PAQR9: variants seen among roughly 807,000 people sequenced by gnomAD.
The protein encoded by PAQR9 is membrane progestin receptor epsilon.
PAQR9 carries 12 observed loss-of-function variants against 24.0 expected under a neutral mutation model. That is an observed-to-expected ratio of 0.50 (90% CI 0.32 to 0.81). The LOEUF (loss-of-function observed/expected upper bound fraction) is 0.81. Ranked by LOEUF, PAQR9 falls within the 30% of genes least tolerant of loss-of-function variation. The probability of loss-of-function intolerance (pLI) is 0.03; values close to 1 mark genes in which losing one functional copy is unlikely to be tolerated. For synonymous variants in PAQR9, 266 were observed against 237.6 expected (o/e 1.12, Z -1.10); for missense variants, 418 against 520.8 (o/e 0.80, Z 1.92).
At position 142,955,171 on chromosome 3, in the gene PAQR9, A is replaced by G. The variant is rs1934771929; in HGVS notation, c.*7032T>C. 6.6e-6 allele frequency among the ~76,000 whole-genome samples: 1 copy of G among 152,120 alleles called. No individual in the cohort carries two copies. ...AGGAAAAAATGAGTATGCCCCTTCA[A>G]GTATAATGCCCTTTACTGCAAAAGG... On this transcript the variant is annotated 3_prime_UTR_variant, in exon 1 of 1. Transcript: ENST00000340634.
At position 142,954,837 on chromosome 3, in the gene PAQR9, T is replaced by C. The variant is rs894389581; in HGVS notation, c.*7366A>G. ...ATGGAGAATTAAGATTAAGTAACGC[T>C]TTTCTGTTAGAATACACTATTGATT... On this transcript the variant is annotated 3_prime_UTR_variant, in exon 1 of 1. Coordinates refer to ENST00000340634, the MANE Select transcript of PAQR9 (RefSeq NM_198504.4). Among the ~76,000 whole-genome samples the C allele has an allele frequency of 2.6e-5, 4 of 152,202 alleles. No individual in the cohort carries two copies. Among genetic ancestry groups the C allele is most frequent in the Admixed American group, 6.5e-5 (1 of 15,286 alleles).
In PAQR9 at chr3:142,958,496, C is replaced by T. The variant is rs1353571419; in HGVS notation, c.*3707G>A. On this transcript the variant is annotated 3_prime_UTR_variant, in exon 1 of 1. Coordinates refer to ENST00000340634, the MANE Select transcript of PAQR9 (RefSeq NM_198504.4). ...ACCTGTCTCCTATTATAGCTTTGTG[C>T]AGATTAACTAATTAAAGTTATGAAG... 1.3e-5 allele frequency among the ~76,000 whole-genome samples: 2 copies of T among 152,112 alleles called. No individual in the cohort carries two copies. Among genetic ancestry groups the T allele is most frequent in the African/African-American group, 4.8e-5 (2 of 41,408 alleles).
In PAQR9 at chr3:142,962,728, C is replaced by T; in HGVS notation, c.609G>A (p.Thr203=). ...GGGCGCGGTAGGCGGCGATAAGGCG[C>T]GTGCAGTCCACGTGCCAGCCCAGGC... ...QQRLGWHVDC[T]RLIAAYRALV... Residue 203 remains threonine (T), a synonymous_variant, in exon 1 of 1, where the codon ACG becomes ACA. Transcript: ENST00000340634. The T allele has an allele frequency of 5.6e-6, 9 of 1,612,526 alleles. No individual in the cohort carries two copies. Among genetic ancestry groups the T allele is most frequent in the Non-Finnish European group, 6.8e-6 (8 of 1,179,650 alleles).
At chr3:142,953,958 G>C (rs576642232), downstream of PAQR9, among the ~76,000 whole-genome samples, 1 of 152,176 alleles carries the variant, frequency 6.6e-6, no homozygotes, top group African/African-American at 2.4e-5. Context: ...AGAGGCAGGG[G>C]TTTCTCACCA....
At position 142,961,856 on chromosome 3, in the gene PAQR9, C is replaced by A. The variant is rs1934896003; in HGVS notation, c.*347G>T. ...ACCTCACAGGGGCTACTCCTTATTA[C>A]CAATGGCACAGATGATTGGAAAAGC... On this transcript the variant is annotated 3_prime_UTR_variant, in exon 1 of 1. Transcript: ENST00000340634. 6.6e-6 allele frequency: 2 copies of A among 302,380 alleles called. No individual in the cohort carries two copies. Among genetic ancestry groups the A allele is most frequent in the Non-Finnish European group, 1.3e-5 (2 of 159,370 alleles). 18.7% of individuals were successfully genotyped at this position (302,380 alleles called of 1,614,324 possible). A position where few individuals can be genotyped will look rare whatever the true frequency, so the allele number is the denominator to read the frequency against.
Position 142,956,162 on chromosome 3 carries a change from C to T in PAQR9, c.*6041G>A, listed in dbSNP as rs186851621. Among the ~76,000 whole-genome samples, 90 of 152,304 alleles carry T rather than the reference C, an allele frequency of 5.9e-4. No homozygotes were observed. Among genetic ancestry groups the T allele is most frequent in the Non-Finnish European group, 9.7e-4 (66 of 68,014 alleles). ...ATTAAAAACAGATTATGCTTTCCAA[C>T]TAGAGATGGAACTAAGAAGAAATGA... On this transcript the variant is annotated 3_prime_UTR_variant, in exon 1 of 1. Transcript: ENST00000340634.
Position 142,962,851 on chromosome 3 carries a change from G to A in PAQR9, c.486C>T (p.Ser162=), listed in dbSNP as rs769970591. ...CCACCGTGCTGCCGAAGCCGTAGTA[G>A]CTGATGGACGCGTAGTCCAGGTAGA... The part of the protein sequence containing the change: ...AFFYLDYASI[S]YYGFGSTVAY... Residue 162 remains serine (S), a synonymous_variant, in exon 1 of 1, where the codon AGC becomes AGT. Coordinates refer to ENST00000340634, the MANE Select transcript of PAQR9 (RefSeq NM_198504.4). 6 of 1,613,528 alleles carry A rather than the reference G, an allele frequency of 3.7e-6. No individual in the cohort carries two copies. Among genetic ancestry groups the A allele is most frequent in the Non-Finnish European group, 5.1e-6 (6 of 1,179,978 alleles).
At position 142,962,617 on chromosome 3, in the gene PAQR9, G is replaced by A. The variant is rs758925968; in HGVS notation, c.720C>T (p.Phe240=). ...TGACGAAGACGAAGGTGCGCAGCGC[G>A]AACGGGTAGGTACACCAGTCGGTAC... ...KSRTDWCTYP[F]ALRTFVFVMP... The change falls in exon 1 of 1, where the codon TTC becomes TTT. Residue 240 remains phenylalanine, a synonymous_variant. Coordinates refer to ENST00000340634, the MANE Select transcript of PAQR9 (RefSeq NM_198504.4). 1.1e-5 allele frequency: 18 copies of A among 1,613,112 alleles called. No homozygotes were observed. Among genetic ancestry groups the A allele is most frequent in the Non-Finnish European group, 1.5e-5 (18 of 1,179,616 alleles).
Position 142,955,442 on chromosome 3 carries a change from TAAAAAAAAAAAAAAAAAAAAAA to T in PAQR9, c.*6739_*6760del, listed in dbSNP as rs150071656. ...GAGCGACCACATGGTCTATACAAAT[TAAAAAAAAAAAAAAAAAAAAAA>T]AAAAAAAAAAAAAGCAGCCACAGAA... On this transcript the variant is annotated 3_prime_UTR_variant, in exon 1 of 1. Transcript: ENST00000340634. 1.9e-4 allele frequency among the ~76,000 whole-genome samples: 4 copies of T among 21,576 alleles called. No individual in the cohort carries two copies. The highest frequency in any genetic ancestry group is 1.0e-3 in the Admixed American group (1 of 984). The allele number at this position is 21,576 out of a possible 152,430, so 14.2% of individuals were successfully genotyped here.
chr3:142,963,438 G>A lies in PAQR9; in HGVS notation c.-102C>T. 9.5e-7 allele frequency: 1 copy of A among 1,051,416 alleles called. No homozygotes were observed. The highest frequency in any genetic ancestry group is 1.1e-6 in the Non-Finnish European group (1 of 875,372). The allele number at this position is 1,051,416 out of a possible 1,614,324, so 65.1% of individuals were successfully genotyped here. On this transcript the variant is annotated 5_prime_UTR_variant, in exon 1 of 1. Transcript: ENST00000340634. ...CCGCCGTCGGAGCCTTTGTGCCCACGCCGGGGGCGTCGCTGCAGGTTTAGG... is the reference window on the plus strand; with the variant it reads ...CCGCCGTCGGAGCCTTTGTGCCCACACCGGGGGCGTCGCTGCAGGTTTAGG...
chr3:142,960,241 G>C lies in PAQR9; in HGVS notation c.*1962C>G, dbSNP rs1934866546. 1 of 152,206 alleles carries C rather than the reference G, an allele frequency of 6.6e-6. No homozygotes were observed. The allele number at this position is 152,206 out of a possible 1,614,324, so 9.4% of individuals were successfully genotyped here. ...ACCGGTTCCTCCAGGGAATTGTGCT[G>C]AGCTTCTCTGTTTACAGAGAAGTGA... On this transcript the variant is annotated 3_prime_UTR_variant, in exon 1 of 1. Transcript: ENST00000340634.
chr3:142,958,545 T>TTTA lies in PAQR9; in HGVS notation c.*3655_*3657dup, dbSNP rs537872193. 1.7e-3 allele frequency among the ~76,000 whole-genome samples: 259 copies of TTTA among 152,292 alleles called. 1 individual carries two copies. Among genetic ancestry groups the TTTA allele is most frequent in the African/African-American group, 6.1e-3 (252 of 41,552 alleles). ...AGAGATTTAAAGATAAAAATTCCTG[T>TTTA]TTATTATTGCTGTTAGTCCTCAGAG... On this transcript the variant is annotated 3_prime_UTR_variant, in exon 1 of 1. Transcript: ENST00000340634.
chr3:142,952,815 A>G (rs894723974), downstream of PAQR9: 1 of 456,748 alleles, frequency 2.2e-6, no homozygotes. Flanking sequence ...TTTTTGTTCC[A>G]ATCCAATCTT....
chr3:142,953,000 C>T (rs1432922046), downstream of PAQR9: 4 of 405,634 alleles, frequency 9.9e-6, no homozygotes, highest in South Asian at 7.2e-5. Flanking sequence ...GAGCAGCCCT[C>T]TTAGGAGTGG....
downstream of PAQR9, among the ~76,000 whole-genome samples, chr3:142,953,600 C>T (rs1480038412): frequency 6.6e-6 from 1 of 152,076 alleles, no homozygotes; most frequent in Non-Finnish European, 1.5e-5. Context: ...CCGCCAGTCT[C>T]CCATGATCTT....
At chr3:142,950,657 A>T (rs1934700063), downstream of PAQR9, 16 of 326,728 alleles carry the variant, frequency 4.9e-5, no homozygotes, top group South Asian at 4.1e-4. Context: ...TTATATGAAG[A>T]CCTGTGCAGG....
At position 142,956,691 on chromosome 3, in the gene PAQR9, C is replaced by T. The variant is rs1934795030; in HGVS notation, c.*5512G>A. On this transcript the variant is annotated 3_prime_UTR_variant, in exon 1 of 1. Transcript: ENST00000340634. ...TCTTGGCCCCTGACCTATAAATAAACACTCTAATTCTGCAACTTGCTCACA... is the reference window on the plus strand; with the variant it reads ...TCTTGGCCCCTGACCTATAAATAAATACTCTAATTCTGCAACTTGCTCACA... Among the ~76,000 whole-genome samples the T allele has an allele frequency of 6.6e-6, 1 of 152,206 alleles. No individual in the cohort carries two copies. The highest frequency in any genetic ancestry group is 1.9e-4 in the East Asian group (1 of 5,198).
At chr3:142,950,633 G>T, downstream of PAQR9, 3 of 400,308 alleles carry the variant, frequency 7.5e-6, no homozygotes, top group Non-Finnish European at 1.5e-5. Flanking sequence ...AAGGCTATGG[G>T]GTAACTCAGA....
chr3:142,954,417 C>T (rs1423904537), downstream of PAQR9, among the ~76,000 whole-genome samples: 1 of 152,198 alleles, frequency 6.6e-6, no homozygotes, highest in Non-Finnish European at 1.5e-5. Flanking sequence ...AAGGGTGCTT[C>T]AGGATAAACT....
Sources: gnomAD v4.1 joint callset for allele counts (sites outside exome capture counted in the v4.1 genomes callset) on GRCh38, gnomAD v4.1.1 for gene constraint, MANE v1.5 for transcripts, NCBI Gene and HGNC (gene_info 2026-07-23, HGNC 2026-07-21) for gene names.